SNRNP48: variants seen among roughly 807,000 people sequenced by gnomAD.
The protein encoded by SNRNP48 is U11/U12 small nuclear ribonucleoprotein 48 kDa protein.
In SNRNP48, 43 loss-of-function variants were observed where a neutral mutation model predicts 47.0. That is an observed-to-expected ratio of 0.92 (90% CI 0.72 to 1.18). The LOEUF is 1.18. Ranked by LOEUF, SNRNP48 falls within the 50% of genes most tolerant of loss-of-function variation. SNRNP48 has a pLI of 0.00. For synonymous variants in SNRNP48, 138 were observed against 144.0 expected, an observed-to-expected ratio of 0.96 and a Z score of 0.30; for missense variants, 396 against 422.2, an observed-to-expected ratio of 0.94 and a Z score of 0.54.
chr6:7,609,031 A>G lies in SNRNP48; in HGVS notation c.*158A>G. 1 of 367,980 alleles carries G rather than the reference A, an allele frequency of 2.7e-6. No homozygotes were observed. The allele number at this position is 367,980 out of a possible 1,614,324, so 22.8% of individuals were successfully genotyped here. A position where few individuals can be genotyped will look rare whatever the true frequency, so the allele number is the denominator to read the frequency against. On this transcript the variant is annotated 3_prime_UTR_variant, in exon 9 of 9. Coordinates refer to ENST00000342415, the MANE Select transcript of SNRNP48 (RefSeq NM_152551.4). Reference sequence around the variant, plus strand: ...GTTTAGTGCTTATTATTTTCCAGTAAATATGCTTCAAACCATGAGTACACT... The same window carrying G: ...GTTTAGTGCTTATTATTTTCCAGTAGATATGCTTCAAACCATGAGTACACT...
At chr6:7,592,557 ACAAT>A (rs1362054265) in intron 1 of SNRNP48, among the ~76,000 whole-genome samples, 1 of 152,114 alleles carries the variant, frequency 6.6e-6, no homozygotes, top group Non-Finnish European at 1.5e-5. Flanking sequence ...TTAAATCTTC[ACAAT>A]CACTTTGTGA....
intron 8 of SNRNP48, among the ~76,000 whole-genome samples, chr6:7,608,509 G>A (rs764654590): frequency 1.3e-5 from 2 of 152,046 alleles, no homozygotes; most frequent in Non-Finnish European, 1.5e-5. Context: ...AGCCAAGATC[G>A]TGCCATTTGC....
chr6:7,595,213 G>T, intron 4 of SNRNP48, 112 bp downstream of exon 4: 1 of 894,006 alleles, frequency 1.1e-6, no homozygotes, highest in Non-Finnish European at 1.6e-6. Context: ...CATGGGAAAG[G>T]TAAAGTTTTA....
intron 8 of SNRNP48, among the ~76,000 whole-genome samples, chr6:7,606,619 T>C (rs1760133595): frequency 1.3e-5 from 2 of 152,234 alleles, no homozygotes; most frequent in African/African-American, 4.8e-5. Flanking sequence ...ATCTAAATTT[T>C]GACAGTCAAT....
chr6:7,599,812 T>A, intron 4 of SNRNP48: 1 of 1,204,134 alleles, frequency 8.3e-7, no homozygotes, highest in Non-Finnish European at 1.1e-6. Context: ...CATATTATAG[T>A]CTTGAATTGG....
chr6:7,593,462 G>T (rs1759852883), intron 1 of SNRNP48, among the ~76,000 whole-genome samples: 1 of 152,176 alleles, frequency 6.6e-6, no homozygotes, highest in Non-Finnish European at 1.5e-5. Flanking sequence ...ATCGTTATAG[G>T]TGAGGTGAGG....
At chr6:7,604,746 A>C (rs1046728916) in intron 6 of SNRNP48, among the ~76,000 whole-genome samples, 1 of 152,208 alleles carries the variant, frequency 6.6e-6, no homozygotes, top group Non-Finnish European at 1.5e-5. Context: ...AAAAACTTTC[A>C]AGTGGTTTTT....
In SNRNP48 at chr6:7,601,336, G is replaced by T. The variant is rs1760015178; in HGVS notation, c.407G>T (p.Arg136Ile). ...VGKDSDCYNQ[R>I]IYSSLPVEVP... Reference sequence around the variant, plus strand: ...TCTTGTGATTTTATTTTTACTTTAGGAATTTATTCTTCATTGCCTGTTGAA... The same window carrying T: ...TCTTGTGATTTTATTTTTACTTTAGTAATTTATTCTTCATTGCCTGTTGAA... The change falls in exon 5 of 9, where the codon AGA becomes ATA. Residue 136 changes from arginine (R) to isoleucine (I), a missense_variant and splice_region_variant. By Grantham distance (97) the Arg-to-Ile change is moderately conservative. Coordinates refer to ENST00000342415, the MANE Select transcript of SNRNP48 (RefSeq NM_152551.4). 3.8e-6 allele frequency: 6 copies of T among 1,560,566 alleles called. No homozygotes were observed. The East Asian group carries it at 1.4e-4, about 37-fold the overall frequency.
intron 7 of SNRNP48, among the ~76,000 whole-genome samples, chr6:7,605,772 G>C (rs201954935): frequency 1.3e-5 from 2 of 152,142 alleles, no homozygotes; most frequent in East Asian, 3.9e-4. Context: ...CCAAGCATGT[G>C]GGAGTTATTT....
intron 4 of SNRNP48, chr6:7,599,793 T>C: frequency 1.6e-6 from 2 of 1,254,434 alleles, no homozygotes; most frequent in Admixed American, 2.4e-5. Flanking sequence ...TTTATCTTAA[T>C]ACCTGTCACA....
chr6:7,610,619 A>C lies in SNRNP48; in HGVS notation c.*1746A>C, dbSNP rs919481676. 5.3e-5 allele frequency: 8 copies of C among 152,260 alleles called. No homozygotes were observed. The highest frequency in any genetic ancestry group is 1.7e-4 in the African/African-American group (7 of 41,470). The allele number at this position is 152,260 out of a possible 1,614,324, so 9.4% of individuals were successfully genotyped here. A position where few individuals can be genotyped will look rare whatever the true frequency, so the allele number is the denominator to read the frequency against. ...CATATTTAGGTTTTTTGTAGAAGAA[A>C]GATACAAGTGAAAATTAGGAGTGGA... On this transcript the variant is annotated 3_prime_UTR_variant, in exon 9 of 9. Transcript: ENST00000342415.
intron 6 of SNRNP48, among the ~76,000 whole-genome samples, 183 bp downstream of exon 6, chr6:7,602,927 A>C (rs1169308063): frequency 2.6e-5 from 4 of 152,214 alleles, no homozygotes; most frequent in Admixed American, 2.6e-4. Flanking sequence ...TTCATAGTAT[A>C]AGAACCTTAT....
At chr6:7,603,948 C>T (rs1760080134) in intron 6 of SNRNP48, among the ~76,000 whole-genome samples, 1 of 152,146 alleles carries the variant, frequency 6.6e-6, no homozygotes, top group Non-Finnish European at 1.5e-5. Flanking sequence ...AATATTCAAA[C>T]ATATACTAAA....
At chr6:7,599,428 A>G (rs970228878) in intron 4 of SNRNP48, among the ~76,000 whole-genome samples, 6 of 152,324 alleles carry the variant, frequency 3.9e-5, no homozygotes, top group East Asian at 3.9e-4. Context: ...ATTTTATGTT[A>G]TATATATTTT....
chr6:7,592,314 T>TA (rs1759832952), intron 1 of SNRNP48, among the ~76,000 whole-genome samples: 1 of 150,556 alleles, frequency 6.6e-6, no homozygotes, highest in Non-Finnish European at 1.5e-5. Context: ...AGTAGAATGG[T>TA]GATGGTGGGT....
At chr6:7,594,772 A>G (rs1759873493) in intron 3 of SNRNP48, among the ~76,000 whole-genome samples, 1 of 152,218 alleles carries the variant, frequency 6.6e-6, no homozygotes, top group Non-Finnish European at 1.5e-5. Context: ...ATTATTGGTC[A>G]GTAAAATTTG....
At chr6:7,596,114 A>T (rs1001221919) in intron 4 of SNRNP48, among the ~76,000 whole-genome samples, 1 of 152,050 alleles carries the variant, frequency 6.6e-6, no homozygotes, top group Non-Finnish European at 1.5e-5. Flanking sequence ...AAAATGCAAA[A>T]ATTAGCCGGG....
chr6:7,601,467 C>T lies in SNRNP48; in HGVS notation c.538C>T (p.Gln180Ter). Residue 180 changes from glutamine (Q) to a stop codon, truncating the protein, a stop_gained, in exon 5 of 9, where the codon CAA becomes TAA. Transcript: ENST00000342415. LOFTEE classifies it high-confidence loss of function. ...GACAAAGAAAAAGCGCTCTGATTCT[C>T]AAATTATTGAAAATGACAGCGATCT... ...EETKKKRSDS[Q>*]IIENDSDLFV... 2 of 1,599,794 alleles carry T rather than the reference C, an allele frequency of 1.3e-6. No individual in the cohort carries two copies. Among genetic ancestry groups the T allele is most frequent in the Non-Finnish European group, 1.7e-6 (2 of 1,176,882 alleles).
rs1341947531 is a variant in SNRNP48, at chr6:7,593,740, G to A, written c.163G>A (p.Val55Ile). 2 of 1,565,692 alleles carry A rather than the reference G, an allele frequency of 1.3e-6. No individual in the cohort carries two copies. Among genetic ancestry groups the A allele is most frequent in the Non-Finnish European group, 1.7e-6 (2 of 1,158,844 alleles). ...PGEEEAAEDEVVICPYDSNHH... is the reference protein window; with the variant it reads ...PGEEEAAEDEIVICPYDSNHH... ...TTCTGTTTGATTTTTATAGGATGAAGTTGTGATATGTCCATACGATTCCAA... is the reference window on the plus strand; with the variant it reads ...TTCTGTTTGATTTTTATAGGATGAAATTGTGATATGTCCATACGATTCCAA... The change falls in exon 2 of 9, where the codon GTT becomes ATT. Residue 55 changes from valine to isoleucine, a missense_variant. By Grantham distance (29) the Val-to-Ile change is conservative. Transcript: ENST00000342415.
Sources: allele counts gnomAD v4.1 joint callset (sites outside exome capture counted in the v4.1 genomes callset), GRCh38; gene constraint gnomAD v4.1.1; transcripts MANE v1.5; gene names NCBI Gene and HGNC (gene_info 2026-07-23, HGNC 2026-07-21).